The following AGO3 variants were observed in gnomAD, a reference collection of about 807,000 sequenced individuals.
The protein encoded by AGO3 is protein argonaute-3.
A neutral mutation model predicts 105.5 loss-of-function variants in AGO3; 16 were observed. The observed-to-expected ratio is 0.15, with a 90% confidence interval of 0.10 to 0.23. AGO3 has a LOEUF of 0.23. Ranked by LOEUF, AGO3 falls within the 10% of genes least tolerant of loss-of-function variation. The pLI, the probability that AGO3 is intolerant of heterozygous loss-of-function variation, is 1.00. For missense variants in AGO3, 534 were observed against 1,088.0 expected, an observed-to-expected ratio of 0.49 and a Z score of 7.16; for synonymous variants, 340 against 367.3, an observed-to-expected ratio of 0.93 and a Z score of 0.85.
Position 36,065,792 on chromosome 1 carries a change from A to T in AGO3, c.*10047A>T, listed in dbSNP as rs1643084533. 2 of 152,346 alleles carry T rather than the reference A, an allele frequency of 1.3e-5. No individual in the cohort carries two copies. Among genetic ancestry groups the T allele is most frequent in the Admixed American group, 1.3e-4 (2 of 15,270 alleles). 9.4% of individuals were successfully genotyped at this position (152,346 alleles called of 1,614,324 possible). A position where few individuals can be genotyped will look rare whatever the true frequency, so the allele number is the denominator to read the frequency against. The stretch of plus-strand genomic sequence containing the variant: ...AGTACTTGATGGCTTGTTCATGTTT[A>T]GTTCACCTCTTTAGAAAGAAAGCTT... On this transcript the variant is annotated 3_prime_UTR_variant, in exon 19 of 19. Coordinates refer to ENST00000373191, the MANE Select transcript of AGO3 (RefSeq NM_024852.4).
chr1:35,960,632 A>AC (rs1646655917), intron 2 of AGO3, among the ~76,000 whole-genome samples: 2 of 152,074 alleles, frequency 1.3e-5, no homozygotes, highest in South Asian at 2.1e-4. Context: ...ACATAGTGAG[A>AC]CCCCATCTCT....
rs1643010633 is a variant in AGO3 at position 36,060,005 on chromosome 1, A to G, written c.*4260A>G. ...TTTTTCTTAATAGTGATCTTCTAAC[A>G]AGTTTCTTGGAAAAACTATCATTCT... On this transcript the variant is annotated 3_prime_UTR_variant, in exon 19 of 19. Coordinates refer to ENST00000373191, the MANE Select transcript of AGO3 (RefSeq NM_024852.4). 1 of 152,194 alleles carries G rather than the reference A, an allele frequency of 6.6e-6. No individual in the cohort carries two copies. Among genetic ancestry groups the G allele is most frequent in the Admixed American group, 6.6e-5 (1 of 15,264 alleles). 9.4% of individuals were successfully genotyped at this position (152,194 alleles called of 1,614,324 possible). A position where few individuals can be genotyped will look rare whatever the true frequency, so the allele number is the denominator to read the frequency against.
intron 9 of AGO3, among the ~76,000 whole-genome samples, chr1:36,010,898 C>G (rs1159890427): frequency 8.2e-6 from 1 of 121,522 alleles, no homozygotes; most frequent in Middle Eastern, 4.2e-3. Flanking sequence ...AAGAGCGAAA[C>G]TCTGTCAAAA....
intron 17 of AGO3, among the ~76,000 whole-genome samples, chr1:36,043,935 C>T (rs1383120315): frequency 1.3e-5 from 2 of 152,106 alleles, no homozygotes; most frequent in Non-Finnish European, 2.9e-5. Flanking sequence ...TGGGCTCAAG[C>T]AGTCCTCCCA....
chr1:36,045,437 G>T (rs1289119822), intron 17 of AGO3, among the ~76,000 whole-genome samples: 1 of 151,922 alleles, frequency 6.6e-6, no homozygotes, highest in South Asian at 2.1e-4. Flanking sequence ...GGCCAGGCTG[G>T]TGTCGAACTC....
chr1:35,964,390 T>C (rs1646735877), intron 2 of AGO3, among the ~76,000 whole-genome samples: 1 of 152,158 alleles, frequency 6.6e-6, no homozygotes, highest in Non-Finnish European at 1.5e-5. Flanking sequence ...TGGGTTTCTA[T>C]TCCTGTGTTA....
At position 36,066,050 on chromosome 1, in the gene AGO3, A is replaced by C. The variant is rs1357478702; in HGVS notation, c.*10305A>C. 1 of 152,254 alleles carries C rather than the reference A, an allele frequency of 6.6e-6. No homozygotes were observed. The highest frequency in any genetic ancestry group is 1.5e-5 in the Non-Finnish European group (1 of 68,206). The allele number at this position is 152,254 out of a possible 1,614,324, so 9.4% of individuals were successfully genotyped here. A position where few individuals can be genotyped will look rare whatever the true frequency, so the allele number is the denominator to read the frequency against. On this transcript the variant is annotated 3_prime_UTR_variant, in exon 19 of 19. Coordinates refer to ENST00000373191, the MANE Select transcript of AGO3 (RefSeq NM_024852.4). ...GTGAGACTCTGTCTCAAAAAAAAAAAAAAATCGTTGTGCAGTAATAGATCA... is the reference window on the plus strand; with the variant it reads ...GTGAGACTCTGTCTCAAAAAAAAAACAAAATCGTTGTGCAGTAATAGATCA...
At chr1:35,980,075 TC>T (rs1298222650) in intron 5 of AGO3, among the ~76,000 whole-genome samples, 1 of 152,160 alleles carries the variant, frequency 6.6e-6, no homozygotes, top group Non-Finnish European at 1.5e-5. Context: ...GGAAGATTTT[TC>T]CCCCCAGTGG....
Position 36,036,219 on chromosome 1 carries a change from T to C in AGO3, c.1794T>C (p.Asp598=), listed in dbSNP as rs140083661. Residue 598 remains aspartate (D), a synonymous_variant, in exon 14 of 19, where the codon GAT becomes GAC. Coordinates refer to ENST00000373191, the MANE Select transcript of AGO3 (RefSeq NM_024852.4). ...FQQPVIFLGA[D]VTHPPAGDGK... ...AACCAGTGATCTTTTTGGGAGCCGA[T>C]GTCACTCATCCACCTGCTGGTGATG... The C allele has an allele frequency of 4.3e-6, 7 of 1,614,164 alleles. No homozygotes were observed. In the African/African-American group the frequency reaches 6.7e-5, roughly 15 times the overall value.
chr1:36,050,837 T>C lies in AGO3; in HGVS notation c.2275-4109T>C, dbSNP rs947988557. 7.5e-5 allele frequency among the ~76,000 whole-genome samples: 11 copies of C among 146,718 alleles called. No homozygotes were observed. The Middle Eastern group carries it at 0.011, about 141-fold the overall frequency. ...ATACTTGATTTGATTTCTTTCGTTT[T>C]GTTTTGTTTTGTTTTGTTTTGTTTT... On this transcript the variant is annotated intron_variant, in intron 17 of 18. Coordinates refer to ENST00000373191, the MANE Select transcript of AGO3 (RefSeq NM_024852.4).
At chr1:35,932,103 A>G (rs566973602) in intron 1 of AGO3, among the ~76,000 whole-genome samples, 1 of 152,296 alleles carries the variant, frequency 6.6e-6, no homozygotes, top group African/African-American at 2.4e-5. Context: ...ATATTCCTGG[A>G]AATTTGGAAT....
At chr1:35,940,133 C>G (rs890965234) in intron 1 of AGO3, among the ~76,000 whole-genome samples, 4 of 151,752 alleles carry the variant, frequency 2.6e-5, no homozygotes, top group Non-Finnish European at 5.9e-5. Context: ...GTGGCATGAT[C>G]TTGGCTGACT....
Position 35,945,818 on chromosome 1 carries a change from A to G in AGO3, c.146A>G (p.Tyr49Cys). 1 of 1,612,438 alleles carries G rather than the reference A, an allele frequency of 6.2e-7. No individual in the cohort carries two copies. Among genetic ancestry groups the G allele is most frequent in the Non-Finnish European group, 8.5e-7 (1 of 1,178,692 alleles). ...ATCCCAAAGATTGATGTCTACCTCTATGAGGTAGATATTAAACCAGACAAG... is the reference window on the plus strand; with the variant it reads ...ATCCCAAAGATTGATGTCTACCTCTGTGAGGTAGATATTAAACCAGACAAG... ...VEIPKIDVYL[Y>C]EVDIKPDKCP... The change falls in exon 2 of 19, where the codon TAT (tyrosine) becomes TGT (cysteine). Residue 49 changes from tyrosine to cysteine, a missense_variant. Tyr to Cys is a radical substitution (Grantham distance 194). Transcript: ENST00000373191.
At chr1:35,968,450 A>G (rs1646811572) in intron 3 of AGO3, among the ~76,000 whole-genome samples, 1 of 152,140 alleles carries the variant, frequency 6.6e-6, no homozygotes, top group Non-Finnish European at 1.5e-5. Context: ...CCCTCCCCTC[A>G]GCCCTGGCAA....
At chr1:35,972,633 T>C (rs1261347824) in intron 4 of AGO3, among the ~76,000 whole-genome samples, 1 of 152,116 alleles carries the variant, frequency 6.6e-6, no homozygotes, top group Non-Finnish European at 1.5e-5. Context: ...ATGTGTAGGG[T>C]ATGCTCCTGT....
intron 17 of AGO3, among the ~76,000 whole-genome samples, chr1:36,052,166 G>A (rs757357055): frequency 1.3e-5 from 2 of 152,092 alleles, no homozygotes; most frequent in African/African-American, 4.8e-5. Flanking sequence ...ATCAACCTAA[G>A]TGTCCCTCAA....
At chr1:36,002,478 T>G (rs930046329) in intron 5 of AGO3, among the ~76,000 whole-genome samples, 1 of 151,136 alleles carries the variant, frequency 6.6e-6, no homozygotes, top group Admixed American at 6.6e-5. Context: ...TACAGGCACA[T>G]GCCACCACGC....
intron 10 of AGO3, 81 bp downstream of exon 10, chr1:36,013,833 T>C (rs1371377372): frequency 3.7e-6 from 6 of 1,600,382 alleles, no homozygotes; most frequent in Non-Finnish European, 5.1e-6. Context: ...AATATTTCAA[T>C]TCAGCGATTT....
intron 5 of AGO3, among the ~76,000 whole-genome samples, chr1:36,001,881 CTG>C (rs1640101260): frequency 6.6e-6 from 1 of 151,856 alleles, no homozygotes; most frequent in Non-Finnish European, 1.5e-5. Flanking sequence ...TTGTATATCT[CTG>C]TATTGTTTGA....
Sources: allele counts gnomAD v4.1 joint callset (sites outside exome capture counted in the v4.1 genomes callset), GRCh38; gene constraint gnomAD v4.1.1; transcripts MANE v1.5; gene names NCBI Gene and HGNC (gene_info 2026-07-23, HGNC 2026-07-21).